Variants in PCNX2 observed in about 807,000 individuals in gnomAD.
The protein encoded by PCNX2 is pecanex 2, also known as pecanex-like protein 2.
A neutral mutation model predicts 223.8 loss-of-function variants in PCNX2; 168 were observed. The observed-to-expected ratio is 0.75, with a 90% CI of 0.66 to 0.85. The LOEUF is 0.85. Ranked by LOEUF, PCNX2 falls within the 40% of genes least tolerant of loss-of-function variation. The pLI is 0.00. For missense variants in PCNX2, 2,507 were observed against 2,675.5 expected (o/e 0.94, Z 1.39); for synonymous variants, 1,006 against 1,052.6 (o/e 0.96, Z 0.86).
intron 5 of PCNX2, among the ~76,000 whole-genome samples, chr1:233,254,733 A>G (rs1331655020): frequency 6.6e-6 from 1 of 151,692 alleles, no homozygotes; most frequent in Non-Finnish European, 1.5e-5. Flanking sequence ...ATGAAGTCAT[A>G]ATGCAGGTAT....
At chr1:233,044,259 GT>G (rs759764676) in intron 25 of PCNX2, among the ~76,000 whole-genome samples, 1 of 152,018 alleles carries the variant, frequency 6.6e-6, no homozygotes, top group Admixed American at 6.6e-5. Flanking sequence ...GGGATTGTTT[GT>G]TTTTTTCTTG....
At chr1:233,200,352 AACCACCCC>A in intron 13 of PCNX2, 88 bp from the exon 14 acceptor site, 1 of 804,234 alleles carries the variant, frequency 1.2e-6, no homozygotes, top group Non-Finnish European at 1.9e-6. Flanking sequence ...TCCCCTTCCA[AACCACCCC>A]ACCCAGGAAT....
intron 25 of PCNX2, among the ~76,000 whole-genome samples, chr1:233,032,490 A>T (rs992948299): frequency 6.6e-6 from 1 of 152,158 alleles, no homozygotes; most frequent in African/African-American, 2.4e-5. Context: ...TAAACAGCAG[A>T]CCTCAAAAAT....
At chr1:233,317,431 C>A in the PCNX2 span, among the ~76,000 whole-genome samples, 1 of 151,602 alleles carries the variant, frequency 6.6e-6, no homozygotes, top group Admixed American at 6.6e-5. Flanking sequence ...AACAAACAAA[C>A]AAACAAACCA....
intron 16 of PCNX2, among the ~76,000 whole-genome samples, chr1:233,178,631 A>T (rs538065595): frequency 6.6e-6 from 1 of 152,132 alleles, no homozygotes; most frequent in South Asian, 2.1e-4. Context: ...CAATAAAATC[A>T]AACAAAATCT....
chr1:233,113,430 A>G (rs559076468), intron 21 of PCNX2, among the ~76,000 whole-genome samples: 2 of 152,236 alleles, frequency 1.3e-5, no homozygotes, highest in South Asian at 2.1e-4. Context: ...CCCCACCACT[A>G]TGAGTCAGCA....
chr1:233,258,080 G>A lies in PCNX2; in HGVS notation c.1782C>T (p.Ser594=). The change falls in exon 5 of 34, where the codon TCC becomes TCT. Residue 594 remains serine (S), a synonymous_variant. Transcript: ENST00000258229. ...ESINTSKMTA[S]SQLNGSAEQN... is the part of the protein sequence containing the mutation. ...GCTCAGCTGAGCCATTCAGTTGACT[G>A]GATGCCGTCATCTTGGAAGTATTAA... 1 of 1,613,978 alleles carries A rather than the reference G, an allele frequency of 6.2e-7. No individual in the cohort carries two copies. Among genetic ancestry groups the A allele is most frequent in the Non-Finnish European group, 8.5e-7 (1 of 1,179,872 alleles).
chr1:233,210,570 T>G, intron 12 of PCNX2: 5 of 985,082 alleles, frequency 5.1e-6, no homozygotes, highest in Non-Finnish European at 6.0e-6. Flanking sequence ...TGAGCCACTG[T>G]GCCTGGCCAC....
chr1:233,094,576 G>T (rs562704955), intron 22 of PCNX2, among the ~76,000 whole-genome samples: 121 of 147,964 alleles, frequency 8.2e-4, no homozygotes, highest in African/African-American at 2.4e-3. Flanking sequence ...TTTAAAAAAA[G>T]TTAGGGCCTG....
chr1:233,299,802 C>T (rs909337402), upstream of PCNX2, among the ~76,000 whole-genome samples: 6 of 152,122 alleles, frequency 3.9e-5, no homozygotes, highest in Non-Finnish European at 5.9e-5. Context: ...TACAGGGAAG[C>T]CTGGAAAATG....
At chr1:233,115,001 C>T (rs931121965) in intron 21 of PCNX2, among the ~76,000 whole-genome samples, 1 of 152,048 alleles carries the variant, frequency 6.6e-6, no homozygotes, top group African/African-American at 2.4e-5. Flanking sequence ...GGCTTATCCT[C>T]CAGAGCACAG....
intron 25 of PCNX2, among the ~76,000 whole-genome samples, chr1:233,035,662 A>G (rs1334743117): frequency 6.6e-6 from 1 of 152,248 alleles, no homozygotes. Flanking sequence ...GATGGGACTT[A>G]TAGGCACAAA....
intron 8 of PCNX2, among the ~76,000 whole-genome samples, chr1:233,249,673 T>C (rs1001956841): frequency 6.6e-6 from 1 of 152,172 alleles, no homozygotes; most frequent in Non-Finnish European, 1.5e-5. Context: ...AGGAGTGACT[T>C]TGGGCACATG....
At chr1:233,014,626 G>A (rs775665369) in intron 28 of PCNX2, 39 bp downstream of exon 28, 18 of 1,492,616 alleles carry the variant, frequency 1.2e-5, no homozygotes, top group East Asian at 2.3e-5. Context: ...GAAAGTGGGT[G>A]CCTGTACCTA....
At chr1:233,069,855 A>T (rs947395947) in intron 23 of PCNX2, among the ~76,000 whole-genome samples, 4 of 152,174 alleles carry the variant, frequency 2.6e-5, no homozygotes, top group African/African-American at 9.6e-5. Context: ...GAAAACCCAA[A>T]GCAAGCATAA....
intron 4 of PCNX2, chr1:233,259,873 AAAAAT>A: frequency 1.1e-6 from 1 of 878,332 alleles, no homozygotes; most frequent in Non-Finnish European, 1.4e-6. Context: ...ACACAACAAT[AAAAAT>A]AAAACAAATG....
At chr1:233,085,378 A>G (rs1673552631) in intron 23 of PCNX2, among the ~76,000 whole-genome samples, 1 of 151,854 alleles carries the variant, frequency 6.6e-6, no homozygotes, top group Non-Finnish European at 1.5e-5. Flanking sequence ...GCAGGGCCCC[A>G]TTAGGCATAC....
intron 17 of PCNX2, among the ~76,000 whole-genome samples, chr1:233,164,229 A>G (rs914077983): frequency 6.6e-6 from 1 of 152,254 alleles, no homozygotes; most frequent in Middle Eastern, 3.2e-3. Context: ...AGGAAAATGC[A>G]AATCAAAACC....
chr1:233,210,902 A>C (rs564185128), intron 12 of PCNX2, among the ~76,000 whole-genome samples: 1 of 152,234 alleles, frequency 6.6e-6, no homozygotes, highest in South Asian at 2.1e-4. Flanking sequence ...CATCAGCCCT[A>C]CCTCCATAAG....
Sources: gnomAD v4.1 joint callset for allele counts (sites outside exome capture counted in the v4.1 genomes callset) on GRCh38, gnomAD v4.1.1 for gene constraint, MANE v1.5 for transcripts, NCBI Gene and HGNC (gene_info 2026-07-23, HGNC 2026-07-21) for gene names.